CCSER1: variants seen among roughly 807,000 people sequenced by gnomAD.
CCSER1 encodes the protein coiled-coil serine rich protein 1.
CCSER1 carries 41 observed loss-of-function variants against 82.0 expected under a neutral mutation model. That is an observed-to-expected ratio of 0.50 (90% CI 0.39 to 0.65). CCSER1 has a LOEUF of 0.65. CCSER1 is among the 30% of genes least tolerant of loss of function. The pLI, the probability that CCSER1 is intolerant of heterozygous loss-of-function variation, is 0.00. For synonymous variants in CCSER1, 414 were observed against 383.9 expected (o/e 1.08, Z -0.92); for missense variants, 1,119 against 1,064.2 (o/e 1.05, Z -0.72).
intron 9 of CCSER1, among the ~76,000 whole-genome samples, chr4:91,010,208 T>C (rs1738895160): frequency 6.6e-6 from 1 of 152,178 alleles, no homozygotes; most frequent in South Asian, 2.1e-4. Flanking sequence ...TTTGTTTTTG[T>C]TTCCAGAACA....
At chr4:91,424,013 T>TTTC (rs1753827826) in intron 10 of CCSER1, among the ~76,000 whole-genome samples, 1 of 136,024 alleles carries the variant, frequency 7.4e-6, no homozygotes, top group African/African-American at 2.8e-5. Context: ...TTTTTTTTTT[T>TTTC]TTTTTTTTTT....
chr4:90,387,245 A>C (rs1461784115), intron 3 of CCSER1, among the ~76,000 whole-genome samples: 1 of 152,082 alleles, frequency 6.6e-6, no homozygotes, highest in Non-Finnish European at 1.5e-5. Context: ...TTAAAAAAAA[A>C]CCTCTATGAT....
At chr4:90,278,431 G>A (rs115133913) in intron 1 of CCSER1, among the ~76,000 whole-genome samples, 336 of 152,124 alleles carry the variant, frequency 2.2e-3, no homozygotes, top group Non-Finnish European at 3.6e-3. Flanking sequence ...CATCCCTGGG[G>A]CCCATCAAAG....
At chr4:91,085,216 GATAA>G (rs1432088507) in intron 9 of CCSER1, among the ~76,000 whole-genome samples, 6 of 151,670 alleles carry the variant, frequency 4.0e-5, no homozygotes, top group South Asian at 4.1e-4. Context: ...ATCAAAAATA[GATAA>G]ATACTTTGAC....
chr4:91,041,002 A>G (rs1741910975), intron 9 of CCSER1, among the ~76,000 whole-genome samples: 1 of 152,214 alleles, frequency 6.6e-6, no homozygotes, highest in Non-Finnish European at 1.5e-5. Flanking sequence ...TATTATTTTT[A>G]GCATCTTTTA....
chr4:90,807,958 G>T (rs1757742118), intron 7 of CCSER1, among the ~76,000 whole-genome samples: 1 of 152,046 alleles, frequency 6.6e-6, no homozygotes, highest in African/African-American at 2.4e-5. Flanking sequence ...TAAGCAAAAA[G>T]AATAAATCTG....
chr4:91,591,956 A>G (rs1381700285), intron 10 of CCSER1, among the ~76,000 whole-genome samples: 1 of 152,154 alleles, frequency 6.6e-6, no homozygotes, highest in East Asian at 1.9e-4. Context: ...GATCTGTTAA[A>G]TAAGCCATTT....
At chr4:91,441,462 G>A (rs1755139659) in intron 10 of CCSER1, among the ~76,000 whole-genome samples, 1 of 152,000 alleles carries the variant, frequency 6.6e-6, no homozygotes, top group African/African-American at 2.4e-5. Context: ...GTATTGATGG[G>A]ACATAACTCA....
At chr4:91,551,462 T>A (rs1280494515) in intron 10 of CCSER1, among the ~76,000 whole-genome samples, 4 of 152,144 alleles carry the variant, frequency 2.6e-5, no homozygotes, top group African/African-American at 9.7e-5. Flanking sequence ...AATAGCTGTT[T>A]GATATTTCTA....
rs184337792 is a variant in CCSER1 at position 90,561,378 on chromosome 4, C to T, written c.1725-66647C>T. ...TGCCCTGGAGAACACCACAAATCTT[C>T]GTGACATCCCAAGTGTTAACTTTAA... On this transcript the variant is annotated intron_variant, in intron 5 of 10. Transcript: ENST00000509176. Among the ~76,000 whole-genome samples the T allele has an allele frequency of 2.1e-4, 32 of 152,280 alleles. No individual in the cohort carries two copies. In the Middle Eastern group the frequency reaches 0.01, roughly 49 times the overall value.
intron 1 of CCSER1, among the ~76,000 whole-genome samples, chr4:90,262,075 T>G (rs778569969): frequency 1.5e-4 from 23 of 152,114 alleles, no homozygotes; most frequent in Non-Finnish European, 2.8e-4. Flanking sequence ...ATAATAAACC[T>G]TCTGAATTTT....
chr4:90,711,720 G>A (rs937666804), intron 6 of CCSER1, among the ~76,000 whole-genome samples: 2 of 141,340 alleles, frequency 1.4e-5, no homozygotes, highest in Non-Finnish European at 3.0e-5. Context: ...TGTCCTGCTG[G>A]ATTTTTTTTT....
intron 1 of CCSER1, among the ~76,000 whole-genome samples, chr4:90,257,808 A>G (rs1723621694): frequency 6.6e-6 from 1 of 152,126 alleles, no homozygotes. Context: ...CCAGACAGTC[A>G]AGTAGAGGAG....
At chr4:91,332,795 A>G (rs1747048038) in intron 10 of CCSER1, among the ~76,000 whole-genome samples, 1 of 152,008 alleles carries the variant, frequency 6.6e-6, no homozygotes, top group Admixed American at 6.6e-5. Flanking sequence ...CTAAATATCC[A>G]AGTGAAATCT....
At chr4:90,209,865 T>C (rs1222424118) in intron 1 of CCSER1, among the ~76,000 whole-genome samples, 1 of 152,150 alleles carries the variant, frequency 6.6e-6, no homozygotes, top group Non-Finnish European at 1.5e-5. Context: ...AGGACTGTCC[T>C]GTTTAATTTT....
At chr4:90,267,788 C>CCTAA (rs1725505550) in intron 1 of CCSER1, among the ~76,000 whole-genome samples, 2 of 152,140 alleles carry the variant, frequency 1.3e-5, no homozygotes, top group Admixed American at 1.3e-4. Flanking sequence ...TTGGGTACCC[C>CCTAA]CTAATGCAGA....
At chr4:90,414,814 A>ATGTGTAG (rs1755553287) in intron 4 of CCSER1, among the ~76,000 whole-genome samples, 1 of 152,224 alleles carries the variant, frequency 6.6e-6, no homozygotes, top group African/African-American at 2.4e-5. Context: ...ACAGTGAAGT[A>ATGTGTAG]TATGTTATGA....
intron 5 of CCSER1, among the ~76,000 whole-genome samples, chr4:90,560,771 A>C (rs1778673225): frequency 6.6e-6 from 1 of 152,144 alleles, no homozygotes; most frequent in Admixed American, 6.5e-5. Context: ...CTACTTTTTC[A>C]AAATACCTGA....
chr4:90,852,486 G>A (rs1166011695), intron 8 of CCSER1, among the ~76,000 whole-genome samples: 2 of 152,218 alleles, frequency 1.3e-5, no homozygotes, highest in Admixed American at 6.5e-5. Flanking sequence ...TGCTGCAGAA[G>A]CCAGATACTG....
Sources: gnomAD v4.1 joint callset for allele counts (sites outside exome capture counted in the v4.1 genomes callset) on GRCh38, gnomAD v4.1.1 for gene constraint, MANE v1.5 for transcripts, NCBI Gene and HGNC (gene_info 2026-07-23, HGNC 2026-07-21) for gene names.